Variants in DPP6 observed in about 807,000 individuals in gnomAD.
The protein encoded by DPP6 is dipeptidyl peptidase like 6.
Under a neutral mutation model 122.6 loss-of-function variants are expected in DPP6, and 69 were observed. The observed-to-expected ratio is 0.56, with a 90% CI of 0.46 to 0.69. The LOEUF is 0.69. DPP6 is among the 30% of genes least tolerant of loss of function. The probability of loss-of-function intolerance (pLI) is 0.00; values close to 1 mark genes in which losing one functional copy is unlikely to be tolerated. For missense variants in DPP6, 928 were observed against 1,116.9 expected, an observed-to-expected ratio of 0.83 and a Z score of 2.41; for synonymous variants, 418 against 433.1, an observed-to-expected ratio of 0.97 and a Z score of 0.43.
At chr7:154,544,483 A>G (rs1052649068) in intron 4 of DPP6, among the ~76,000 whole-genome samples, 1 of 152,200 alleles carries the variant, frequency 6.6e-6, no homozygotes, top group Non-Finnish European at 1.5e-5. Context: ...TGACCTGCAC[A>G]TAGTAGATGC....
At chr7:154,712,219 T>C (rs1841232041) in intron 7 of DPP6, among the ~76,000 whole-genome samples, 1 of 152,192 alleles carries the variant, frequency 6.6e-6, no homozygotes, top group South Asian at 2.1e-4. Flanking sequence ...TGGGAATAGA[T>C]GTATATTTGA....
At chr7:154,401,870 G>A (rs1815637663) in intron 1 of DPP6, among the ~76,000 whole-genome samples, 1 of 152,052 alleles carries the variant, frequency 6.6e-6, no homozygotes, top group African/African-American at 2.4e-5. Context: ...CTAATATCCA[G>A]AATCTACAAT....
At chr7:154,074,819 G>A (rs959357120) in intron 1 of DPP6, among the ~76,000 whole-genome samples, 1 of 151,626 alleles carries the variant, frequency 6.6e-6, no homozygotes, top group Non-Finnish European at 1.5e-5. Flanking sequence ...CCTTTCATAA[G>A]CAAGTCACTA....
At position 154,061,934 on chromosome 7, in the gene DPP6, A is replaced by G. The variant is rs1302459529; in HGVS notation, c.243+8871A>G. Reference sequence around the variant, plus strand: ...CCCTGGCTCTGAGGACCCCCATCGCAGGAGGGGGAGGCAACCCTGCGAGGG... The same window carrying G: ...CCCTGGCTCTGAGGACCCCCATCGCGGGAGGGGGAGGCAACCCTGCGAGGG... On this transcript the variant is annotated intron_variant, in intron 1 of 25. Transcript: ENST00000377770. Among the ~76,000 whole-genome samples the G allele has an allele frequency of 4.8e-5, 6 of 124,972 alleles. 1 individual carries two copies. Among genetic ancestry groups the G allele is most frequent in the Admixed American group, 4.0e-4 (5 of 12,426 alleles). 82.0% of individuals were successfully genotyped at this position (124,972 alleles called of 152,430 possible). A position where few individuals can be genotyped will look rare whatever the true frequency, so the allele number is the denominator to read the frequency against.
rs575560618 is a variant in DPP6 at position 153,981,550 on chromosome 7, T to G, written c.51+93816T>G. On this transcript the variant is annotated intron_variant, in intron 1 of 25. Transcript: ENST00000404039. ...GCATTTAGTGCATTTACATTTAAGG[T>G]TAATACTGTTATGTGTGAATTTGAT... is the stretch of plus-strand genomic sequence containing the variant. Among the ~76,000 whole-genome samples, 11 of 152,286 alleles carry G rather than the reference T, an allele frequency of 7.2e-5. No homozygotes were observed. The South Asian group carries it at 2.3e-3, about 32-fold the overall frequency.
chr7:154,301,265 CTT>C (rs994679107), intron 1 of DPP6, among the ~76,000 whole-genome samples: 3 of 152,142 alleles, frequency 2.0e-5, no homozygotes, highest in African/African-American at 7.2e-5. Flanking sequence ...TAGTGTCTTT[CTT>C]TGCTAAGTAT....
chr7:154,039,288 C>T (rs1389216062), intron 1 of DPP6, among the ~76,000 whole-genome samples: 1 of 147,818 alleles, frequency 6.8e-6, no homozygotes, highest in Non-Finnish European at 1.5e-5. Context: ...GGAAAATATG[C>T]CTTTTTGAAA....
chr7:154,276,019 G>A (rs1804103558), intron 1 of DPP6, among the ~76,000 whole-genome samples: 1 of 152,208 alleles, frequency 6.6e-6, no homozygotes, highest in Non-Finnish European at 1.5e-5. Context: ...GTGCCTTGAA[G>A]TTATCTATTT....
intron 5 of DPP6, among the ~76,000 whole-genome samples, chr7:154,633,575 A>G (rs1043162425): frequency 6.6e-6 from 1 of 152,228 alleles, no homozygotes; most frequent in Non-Finnish European, 1.5e-5. Flanking sequence ...TAAATACAAC[A>G]TTGACCACAG....
At chr7:154,301,013 T>G (rs760169852) in intron 1 of DPP6, among the ~76,000 whole-genome samples, 1 of 152,128 alleles carries the variant, frequency 6.6e-6, no homozygotes, top group Non-Finnish European at 1.5e-5. Flanking sequence ...CGATGTTATA[T>G]GGTGGTTTAG....
At chr7:154,792,890 G>T (rs190760051) in intron 10 of DPP6, among the ~76,000 whole-genome samples, 1 of 152,164 alleles carries the variant, frequency 6.6e-6, no homozygotes, top group East Asian at 1.9e-4. Flanking sequence ...GCCAGCAGCC[G>T]CCTGTCTTAG....
chr7:154,741,066 C>A, intron 8 of DPP6, among the ~76,000 whole-genome samples: 1 of 152,142 alleles, frequency 6.6e-6, no homozygotes, highest in Non-Finnish European at 1.5e-5. Flanking sequence ...GAGGACATAC[C>A]CTTCGTCACT....
intron 9 of DPP6, among the ~76,000 whole-genome samples, chr7:154,772,391 G>A (rs756933339): frequency 3.3e-5 from 5 of 152,108 alleles, no homozygotes; most frequent in Admixed American, 6.5e-5. Flanking sequence ...AGAGAGTGGG[G>A]AACAGGGAAG....
intron 12 of DPP6, among the ~76,000 whole-genome samples, chr7:154,797,112 A>G (rs1355811501): frequency 1.3e-5 from 2 of 152,242 alleles, no homozygotes; most frequent in Non-Finnish European, 2.9e-5. Context: ...CTCACATTAG[A>G]CAAATTGTCA....
chr7:154,719,859 G>C (rs528382033), intron 7 of DPP6, among the ~76,000 whole-genome samples: 77 of 152,334 alleles, frequency 5.1e-4, no homozygotes, highest in African/African-American at 1.8e-3. Context: ...ACTTGTGCTT[G>C]AGTGGACATT....
intron 1 of DPP6, among the ~76,000 whole-genome samples, chr7:153,918,010 A>C (rs1422325408): frequency 1.3e-5 from 2 of 152,208 alleles, no homozygotes; most frequent in African/African-American, 2.4e-5. Flanking sequence ...GGGATGTAGA[A>C]TGTGTGTCTG....
Position 154,608,320 on chromosome 7 carries a change from C to CATATATATATATATATATATATAT in DPP6, c.628-29479_628-29478insATATATATATATATATATATATAT, listed in dbSNP as rs35662023. On this transcript the variant is annotated intron_variant, in intron 5 of 25. Coordinates refer to ENST00000377770, the MANE Select transcript of DPP6 (RefSeq NM_130797.4). The stretch of plus-strand genomic sequence containing the variant: ...CATGCTTGCATTTTTTAGGAGTGAT[C>CATATATATATATATATATATATAT]ATATATATATATATATATATATTTT... Among the ~76,000 whole-genome samples the CATATATATATATATATATATATAT allele has an allele frequency of 5.7e-3, 515 of 89,722 alleles. 14 individuals carry two copies. The highest frequency in any genetic ancestry group is 0.016 in the East Asian group (29 of 1,772). 58.9% of individuals were successfully genotyped at this position (89,722 alleles called of 152,430 possible).
chr7:154,009,471 G>C (rs909480428), intron 1 of DPP6, among the ~76,000 whole-genome samples: 1 of 147,288 alleles, frequency 6.8e-6, no homozygotes, highest in Non-Finnish European at 1.5e-5. Flanking sequence ...CCCCATGTGA[G>C]CCATCCCTGA....
At chr7:154,575,603 GTGT>G (rs1831598880) in intron 5 of DPP6, among the ~76,000 whole-genome samples, 4 of 111,350 alleles carry the variant, frequency 3.6e-5, no homozygotes, top group African/African-American at 1.1e-4. Context: ...TATGTGTGTG[GTGT>G]GTGTATGTGT....
Sources: gnomAD v4.1 joint callset for allele counts (sites outside exome capture counted in the v4.1 genomes callset) on GRCh38, gnomAD v4.1.1 for gene constraint, MANE v1.5 for transcripts, NCBI Gene and HGNC (gene_info 2026-07-23, HGNC 2026-07-21) for gene names.